NR3C1: variants seen among roughly 807,000 people sequenced by gnomAD.
NR3C1 encodes glucocorticoid receptor.
In NR3C1, 14 loss-of-function variants were observed where a neutral mutation model predicts 74.0. The observed-to-expected ratio is 0.19, with a 90% CI of 0.12 to 0.30. The LOEUF is 0.30. Among genes scored for constraint, NR3C1 ranks in the 10% least tolerant of loss-of-function variants. NR3C1 has a pLI of 1.00. For synonymous variants in NR3C1, 308 were observed against 332.5 expected (o/e 0.93, Z 0.80); for missense variants, 695 against 909.8 (o/e 0.76, Z 3.04).
At chr5:143,338,251 T>C (rs893638545) in intron 2 of NR3C1, among the ~76,000 whole-genome samples, 6 of 152,166 alleles carry the variant, frequency 3.9e-5, no homozygotes, top group African/African-American at 9.7e-5. Flanking sequence ...GTACAGTACA[T>C]AATACTCGAT....
chr5:143,292,348 A>C (rs74888440), intron 7 of NR3C1, among the ~76,000 whole-genome samples: 1 of 151,920 alleles, frequency 6.6e-6, no homozygotes, highest in Non-Finnish European at 1.5e-5. Flanking sequence ...TTTATGATTA[A>C]ATCTCAGTTT....
At chr5:143,425,904 C>A (rs1463998577) in intron 1 of NR3C1, among the ~76,000 whole-genome samples, 2 of 152,046 alleles carry the variant, frequency 1.3e-5, no homozygotes, top group Non-Finnish European at 2.9e-5. Flanking sequence ...ACATGTCTGC[C>A]CAAAAACTTG....
chr5:143,305,586 C>T (rs1819408080), intron 4 of NR3C1, among the ~76,000 whole-genome samples: 1 of 152,156 alleles, frequency 6.6e-6, no homozygotes, highest in Admixed American at 6.5e-5. Context: ...AAATCACGTC[C>T]TTTGCAGCAA....
At chr5:143,328,220 G>A (rs547046878) in intron 2 of NR3C1, among the ~76,000 whole-genome samples, 2 of 152,358 alleles carry the variant, frequency 1.3e-5, no homozygotes, top group Non-Finnish European at 2.9e-5. Context: ...CTGTAACTTG[G>A]CCCCTTACAG....
At chr5:143,285,718 G>A (rs1466785837) in intron 7 of NR3C1, among the ~76,000 whole-genome samples, 2 of 152,054 alleles carry the variant, frequency 1.3e-5, no homozygotes, top group East Asian at 1.9e-4. Context: ...CTCTAGTACT[G>A]AAAACACAGC....
chr5:143,316,677 G>C lies in NR3C1; in HGVS notation c.1185-2509C>G, dbSNP rs1822152369. Among the ~76,000 whole-genome samples, 3 of 152,238 alleles carry C rather than the reference G, an allele frequency of 2.0e-5. No homozygotes were observed. In the South Asian group the frequency reaches 6.2e-4, roughly 32 times the overall value. ...CTTTGACCCCTGAGTTTCCTCATCA[G>C]TAAACTGGGAAGGATATCACCTGTG... is the stretch of plus-strand genomic sequence containing the variant. On this transcript the variant is annotated intron_variant, in intron 2 of 8. Coordinates refer to ENST00000394464, the MANE Select transcript of NR3C1 (RefSeq NM_000176.3).
At chr5:143,365,386 A>G (rs1039313953) in intron 2 of NR3C1, among the ~76,000 whole-genome samples, 2 of 152,340 alleles carry the variant, frequency 1.3e-5, no homozygotes, top group Admixed American at 1.3e-4. Context: ...AAGTGGCTAT[A>G]CTAATATAGA....
intron 7 of NR3C1, among the ~76,000 whole-genome samples, chr5:143,285,994 A>C (rs1002894191): frequency 6.6e-6 from 1 of 151,768 alleles, no homozygotes; most frequent in South Asian, 2.1e-4. Flanking sequence ...AAAAGCAAGA[A>C]TATATTAAAT....
chr5:143,317,792 C>T (rs1005331221), intron 2 of NR3C1, among the ~76,000 whole-genome samples: 3 of 152,080 alleles, frequency 2.0e-5, no homozygotes, highest in African/African-American at 7.2e-5. Flanking sequence ...TTCAGGCAGA[C>T]GTTTCCTGGC....
chr5:143,357,229 T>C (rs1262976517), intron 2 of NR3C1, among the ~76,000 whole-genome samples: 1 of 152,050 alleles, frequency 6.6e-6, no homozygotes, highest in Non-Finnish European at 1.5e-5. Context: ...AAAAAGATTA[T>C]GCACAAAGAA....
At position 143,328,815 on chromosome 5, in the gene NR3C1, T is replaced by C. The variant is rs59838376; in HGVS notation, c.1185-14647A>G. Among the ~76,000 whole-genome samples, 774 of 152,312 alleles carry C rather than the reference T, an allele frequency of 5.1e-3. 4 individuals carry two copies. The highest frequency in any genetic ancestry group is 0.017 in the African/African-American group (720 of 41,568). The stretch of plus-strand genomic sequence containing the variant: ...AACCTTTGCTCCAGTTCCCAATAAG[T>C]TCCTCATCTCTGGGACCATTTCAGC... On this transcript the variant is annotated intron_variant, in intron 2 of 8. Coordinates refer to ENST00000394464, the MANE Select transcript of NR3C1 (RefSeq NM_000176.3).
intron 2 of NR3C1, among the ~76,000 whole-genome samples, chr5:143,340,053 A>G (rs1827892872): frequency 6.6e-6 from 1 of 152,176 alleles, no homozygotes; most frequent in African/African-American, 2.4e-5. Flanking sequence ...TATATGCGAC[A>G]AACAATTGGA....
At chr5:143,374,205 G>A (rs1834736148) in intron 2 of NR3C1, among the ~76,000 whole-genome samples, 1 of 152,158 alleles carries the variant, frequency 6.6e-6, no homozygotes, top group African/African-American at 2.4e-5. Context: ...AACATAGTGA[G>A]TAAAGGGCCG....
chr5:143,281,676 C>T lies in NR3C1; in HGVS notation c.*213G>A. On this transcript the variant is annotated 3_prime_UTR_variant, in exon 9 of 9. Coordinates refer to ENST00000394464, the MANE Select transcript of NR3C1 (RefSeq NM_000176.3). Reference sequence around the variant, plus strand: ...ATTAACTAATAAATTTCACCATCTACTCTCCCATCACTGAAAAGTGATGAC... The same window carrying T: ...ATTAACTAATAAATTTCACCATCTATTCTCCCATCACTGAAAAGTGATGAC... 1 of 539,026 alleles carries T rather than the reference C, an allele frequency of 1.9e-6. No individual in the cohort carries two copies. The highest frequency in any genetic ancestry group is 3.3e-6 in the Non-Finnish European group (1 of 301,382). The allele number at this position is 539,026 out of a possible 1,614,324, so 33.4% of individuals were successfully genotyped here. A position where few individuals can be genotyped will look rare whatever the true frequency, so the allele number is the denominator to read the frequency against.
intron 1 of NR3C1, among the ~76,000 whole-genome samples, chr5:143,418,027 C>T (rs1751003177): frequency 6.6e-6 from 1 of 152,146 alleles, no homozygotes; most frequent in Non-Finnish European, 1.5e-5. Flanking sequence ...CAAAATACTA[C>T]AGCCAAAAGA....
Position 143,280,373 on chromosome 5 carries a change from A to G in NR3C1, c.*1516T>C, listed in dbSNP as rs1812909981. On this transcript the variant is annotated 3_prime_UTR_variant, in exon 9 of 9. Transcript: ENST00000394464. ...AAACTATAACTAAATATAAAAATAT[A>G]TTAGAAGTTCCATATTTTTAATATT... is the stretch of plus-strand genomic sequence containing the variant. 1 of 152,612 alleles carries G rather than the reference A, an allele frequency of 6.6e-6. No individual in the cohort carries two copies. The highest frequency in any genetic ancestry group is 2.1e-4 in the South Asian group (1 of 4,830). The allele number at this position is 152,612 out of a possible 1,614,324, so 9.5% of individuals were successfully genotyped here. A position where few individuals can be genotyped will look rare whatever the true frequency, so the allele number is the denominator to read the frequency against.
intron 1 of NR3C1, among the ~76,000 whole-genome samples, chr5:143,418,642 G>A (rs978492705): frequency 1.3e-5 from 2 of 152,172 alleles, no homozygotes; most frequent in Non-Finnish European, 2.9e-5. Flanking sequence ...GTGTGAAGGG[G>A]CACAGGTCAG....
chr5:143,370,617 T>A (rs1167656212), intron 2 of NR3C1, among the ~76,000 whole-genome samples: 1 of 152,152 alleles, frequency 6.6e-6, no homozygotes, highest in Non-Finnish European at 1.5e-5. Flanking sequence ...ACCACACCGG[T>A]CCTCCCAGAC....
At chr5:143,354,589 A>G (rs921249754) in intron 2 of NR3C1, among the ~76,000 whole-genome samples, 2 of 152,168 alleles carry the variant, frequency 1.3e-5, no homozygotes, top group African/African-American at 2.4e-5. Context: ...ATATTTATCA[A>G]TTAAGTACGG....
Sources: allele counts gnomAD v4.1 joint callset (sites outside exome capture counted in the v4.1 genomes callset), GRCh38; gene constraint gnomAD v4.1.1; transcripts MANE v1.5; gene names NCBI Gene and HGNC (gene_info 2026-07-23, HGNC 2026-07-21).